Variants in NTM observed in about 807,000 individuals in gnomAD.
The protein encoded by NTM is IgLON family member 2.
In NTM, 13 loss-of-function variants were observed where a neutral mutation model predicts 42.1. That is an observed-to-expected ratio of 0.31 (90% CI 0.20 to 0.49). The LOEUF is 0.49. Among genes scored for constraint, NTM ranks in the 20% least tolerant of loss-of-function variants. The pLI, the probability that NTM is intolerant of heterozygous loss-of-function variation, is 0.99. For missense variants in NTM, 373 were observed against 452.8 expected (o/e 0.82, Z 1.60); for synonymous variants, 187 against 179.2 (o/e 1.04, Z -0.35).
chr11:131,687,571 C>A (rs2074055913), intron 1 of NTM, among the ~76,000 whole-genome samples: 1 of 152,220 alleles, frequency 6.6e-6, no homozygotes, highest in Admixed American at 6.5e-5. Flanking sequence ...CTCACCTTCG[C>A]CCCCGGGGGT....
intron 2 of NTM, among the ~76,000 whole-genome samples, chr11:132,082,539 A>G (rs2059214644): frequency 6.6e-6 from 1 of 152,240 alleles, no homozygotes; most frequent in African/African-American, 2.4e-5. Flanking sequence ...CATCATGGGC[A>G]TGATTAGGCA....
intron 1 of NTM, among the ~76,000 whole-genome samples, chr11:131,801,856 G>C (rs112777714): frequency 1.3e-5 from 2 of 152,038 alleles, no homozygotes; most frequent in African/African-American, 4.8e-5. Flanking sequence ...ATGTGAGCTG[G>C]GCCCATCTTT....
At chr11:131,825,593 G>T (rs987337966) in intron 1 of NTM, among the ~76,000 whole-genome samples, 1 of 152,172 alleles carries the variant, frequency 6.6e-6, no homozygotes, top group East Asian at 1.9e-4. Context: ...TGGGAAGGTT[G>T]GGTGTGGACA....
intron 1 of NTM, among the ~76,000 whole-genome samples, chr11:131,772,387 C>A (rs185712432): frequency 1.7e-3 from 264 of 152,258 alleles, no homozygotes; most frequent in African/African-American, 6.1e-3. Flanking sequence ...TAATCAATTG[C>A]CTTTAATCAA....
At chr11:131,557,951 T>A (rs2055679497) in intron 1 of NTM, among the ~76,000 whole-genome samples, 1 of 152,170 alleles carries the variant, frequency 6.6e-6, no homozygotes, top group African/African-American at 2.4e-5. Context: ...TGCATCAAGG[T>A]AACTGAAAAG....
intron 1 of NTM, among the ~76,000 whole-genome samples, chr11:131,386,293 G>T (rs900691744): frequency 1.3e-5 from 2 of 152,200 alleles, no homozygotes; most frequent in African/African-American, 2.4e-5. Context: ...GCTATCAGGG[G>T]CTTGTGGGAG....
chr11:131,833,806 T>C (rs1354038691), intron 1 of NTM, among the ~76,000 whole-genome samples: 1 of 152,182 alleles, frequency 6.6e-6, no homozygotes. Flanking sequence ...GGGCATAAAT[T>C]CTATTATGCA....
intron 2 of NTM, among the ~76,000 whole-genome samples, chr11:132,067,429 C>T (rs1460796454): frequency 6.6e-6 from 1 of 152,188 alleles, no homozygotes; most frequent in Non-Finnish European, 1.5e-5. Context: ...CCCCAAAAGT[C>T]CCAAACTCAG....
chr11:131,592,630 TAC>T (rs1214312866), intron 1 of NTM, among the ~76,000 whole-genome samples: 3 of 127,858 alleles, frequency 2.3e-5, no homozygotes, highest in Admixed American at 8.6e-5. Flanking sequence ...CCAACACAAA[TAC>T]ACACACACAC....
chr11:132,264,536 C>T (rs2093060033), intron 4 of NTM, among the ~76,000 whole-genome samples: 1 of 152,068 alleles, frequency 6.6e-6, no homozygotes, highest in African/African-American at 2.4e-5. Context: ...CAATCTATTC[C>T]TTTATGGCTT....
intron 1 of NTM, among the ~76,000 whole-genome samples, chr11:131,720,026 C>A (rs1474600429): frequency 6.6e-6 from 1 of 152,100 alleles, no homozygotes; most frequent in Non-Finnish European, 1.5e-5. Context: ...GGCCCACCAC[C>A]CTACAGGTTC....
intron 1 of NTM, among the ~76,000 whole-genome samples, chr11:131,388,141 G>A (rs1228816892): frequency 6.6e-6 from 1 of 152,332 alleles, no homozygotes; most frequent in East Asian, 1.9e-4. Flanking sequence ...GGAAGCAGCA[G>A]CATGGACCCT....
At chr11:131,661,690 C>T (rs2068095816) in intron 1 of NTM, among the ~76,000 whole-genome samples, 1 of 152,100 alleles carries the variant, frequency 6.6e-6, no homozygotes, top group Non-Finnish European at 1.5e-5. Flanking sequence ...TTTTGAAGTT[C>T]CAGGCTAGTT....
chr11:131,436,604 G>A (rs1233449604), intron 1 of NTM, among the ~76,000 whole-genome samples: 1 of 152,154 alleles, frequency 6.6e-6, no homozygotes, highest in Non-Finnish European at 1.5e-5. Flanking sequence ...ATGGTAGTTT[G>A]TATTTCTGTG....
At chr11:131,892,754 C>T (rs1205154878) in intron 1 of NTM, among the ~76,000 whole-genome samples, 2 of 152,358 alleles carry the variant, frequency 1.3e-5, no homozygotes, top group East Asian at 3.9e-4. Flanking sequence ...ATAGCTTTGA[C>T]CTTGCCCAGG....
At chr11:131,892,142 C>A (rs2051456627) in intron 1 of NTM, among the ~76,000 whole-genome samples, 1 of 152,172 alleles carries the variant, frequency 6.6e-6, no homozygotes, top group African/African-American at 2.4e-5. Context: ...TCTTCCTCCT[C>A]CTCTTTCTTC....
At chr11:131,766,439 C>T (rs534395651) in intron 1 of NTM, among the ~76,000 whole-genome samples, 116 of 152,104 alleles carry the variant, frequency 7.6e-4, no homozygotes, top group Admixed American at 7.8e-4. Context: ...TCAGATGCAC[C>T]GAGGAGCGAG....
intron 2 of NTM, among the ~76,000 whole-genome samples, chr11:132,049,455 G>A (rs1031904517): frequency 6.6e-6 from 1 of 152,220 alleles, no homozygotes; most frequent in Admixed American, 6.5e-5. Flanking sequence ...CAGGGGTGCG[G>A]TTGTGAGGCT....
chr11:132,158,538 A>G (rs1426722141), intron 3 of NTM, among the ~76,000 whole-genome samples: 9 of 152,226 alleles, frequency 5.9e-5, no homozygotes, highest in Admixed American at 5.9e-4. Context: ...GTGTGCCATG[A>G]TGGTGGGGCT....
Sources: allele counts gnomAD v4.1 joint callset (sites outside exome capture counted in the v4.1 genomes callset), GRCh38; gene constraint gnomAD v4.1.1; transcripts MANE v1.5; gene names NCBI Gene and HGNC (gene_info 2026-07-23, HGNC 2026-07-21).